The following MYO1H variants were observed in gnomAD, a reference collection of about 807,000 sequenced individuals.
MYO1H encodes the protein myosin IH, also known as unconventional myosin-Ih.
A neutral mutation model predicts 149.3 loss-of-function variants in MYO1H; 118 were observed. The ratio of observed to expected loss-of-function variants is 0.79; its 90% CI spans 0.68 to 0.92. MYO1H has a LOEUF of 0.92. Ranked by LOEUF, MYO1H falls within the 40% of genes least tolerant of loss-of-function variation. The pLI is 0.00. For missense variants in MYO1H, 1,212 were observed against 1,280.7 expected (o/e 0.95, Z 0.82); for synonymous variants, 447 against 465.2 (o/e 0.96, Z 0.50).
chr12:109,355,607 C>A (rs1010932579), intron 1 of MYO1H, among the ~76,000 whole-genome samples: 63 of 152,260 alleles, frequency 4.1e-4, no homozygotes, highest in Non-Finnish European at 7.6e-4. Context: ...AAGTTTGCAT[C>A]CTGCATGTAA....
At position 109,393,379 on chromosome 12, in the gene MYO1H, G is replaced by T. The variant is rs774279509; in HGVS notation, c.223G>T (p.Gly75Ter). ...GTCTGTGAATCCATACCAGGAGCTC[G>T]GAATCTACACTGTGAGCCAGATGGA... The change falls in exon 3 of 32, where the codon GGA (glycine) becomes TGA (stop). Residue 75 changes from glycine to a stop codon, truncating the protein, a stop_gained. Transcript: ENST00000310903. LOFTEE classifies it high-confidence loss of function. The T allele has an allele frequency of 1.3e-6, 2 of 1,588,362 alleles. No individual in the cohort carries two copies.
At chr12:109,313,577 T>A in the MYO1H span, among the ~76,000 whole-genome samples, 1 of 152,234 alleles carries the variant, frequency 6.6e-6, no homozygotes, top group Admixed American at 6.5e-5. Context: ...AAGAGGATGC[T>A]AAACCCTTGG....
intron 16 of MYO1H, among the ~76,000 whole-genome samples, chr12:109,421,459 A>C (rs1457427079): frequency 6.6e-6 from 1 of 152,200 alleles, no homozygotes; most frequent in Admixed American, 6.5e-5. Flanking sequence ...CTTGGAGGTG[A>C]CTTTGAGCTA....
chr12:109,398,715 C>A (rs4766468), intron 5 of MYO1H, among the ~76,000 whole-genome samples: 4 of 139,424 alleles, frequency 2.9e-5, no homozygotes, highest in African/African-American at 8.1e-5. Context: ...CACTCCAGCC[C>A]GGGCAACAAG....
chr12:109,313,826 G>A, the MYO1H span, among the ~76,000 whole-genome samples: 1 of 152,016 alleles, frequency 6.6e-6, no homozygotes, highest in Non-Finnish European at 1.5e-5. Flanking sequence ...TTAATTTTGT[G>A]ATGGTTTTAG....
chr12:109,406,253 A>G (rs193018779), intron 8 of MYO1H, among the ~76,000 whole-genome samples: 7 of 152,110 alleles, frequency 4.6e-5, no homozygotes, highest in Admixed American at 6.6e-5. Flanking sequence ...ATAACGCACA[A>G]TGATCAGTCT....
chr12:109,413,574 A>G (rs1184399085), intron 14 of MYO1H, among the ~76,000 whole-genome samples: 12 of 152,214 alleles, frequency 7.9e-5, no homozygotes, highest in Non-Finnish European at 2.9e-5. Flanking sequence ...GCAATGAATA[A>G]TCTATAACTG....
At chr12:109,364,701 A>G (rs905838123) in intron 1 of MYO1H, among the ~76,000 whole-genome samples, 4 of 152,228 alleles carry the variant, frequency 2.6e-5, no homozygotes, top group Non-Finnish European at 5.9e-5. Context: ...CCACAGAAAC[A>G]CAGATAATTT....
At chr12:109,430,012 T>G (rs1336621239) in intron 19 of MYO1H, among the ~76,000 whole-genome samples, 2 of 152,238 alleles carry the variant, frequency 1.3e-5, no homozygotes, top group Non-Finnish European at 2.9e-5. Flanking sequence ...GGCACTAATC[T>G]CATTTATGAG....
intron 1 of MYO1H, among the ~76,000 whole-genome samples, chr12:109,362,731 T>G (rs1461008351): frequency 6.6e-6 from 1 of 152,230 alleles, no homozygotes; most frequent in Non-Finnish European, 1.5e-5. Context: ...CTTTCTTGTA[T>G]GTATACTAAT....
rs755058492 is a variant in MYO1H at position 109,388,790 on chromosome 12, C to A, written c.120C>A (p.Ser40Arg). 5.3e-5 allele frequency: 85 copies of A among 1,613,010 alleles called. No individual in the cohort carries two copies. Among genetic ancestry groups the A allele is most frequent in the Non-Finnish European group, 7.0e-5 (83 of 1,179,292 alleles). The change falls in exon 2 of 32, where the codon AGC (serine) becomes AGA (arginine). Residue 40 changes from serine (S) to arginine (R), a missense_variant. Coordinates refer to ENST00000310903, the Ensembl canonical transcript of MYO1H. ...TTGTGCTATTGGACGCGTACACCAGCGAATCTGCCTTTGTCGACAACCTCC... is the reference window on the plus strand; with the variant it reads ...TTGTGCTATTGGACGCGTACACCAGAGAATCTGCCTTTGTCGACAACCTCC...
chr12:109,327,739 C>CAAAAAAAAAAAAA, the MYO1H span, among the ~76,000 whole-genome samples: 20 of 85,644 alleles, frequency 2.3e-4, no homozygotes, highest in African/African-American at 3.2e-4. Context: ...AAAACTGTCT[C>CAAAAAAAAAAAAA]AAAAAAAAAA....
chr12:109,424,915 C>G (rs747900860), intron 17 of MYO1H, 87 bp downstream of exon 17: 86 of 973,524 alleles, frequency 8.8e-5, no homozygotes, highest in Non-Finnish European at 1.3e-4. Context: ...AGCCACCTTC[C>G]CCTTTTCTGG....
intron 2 of MYO1H, among the ~76,000 whole-genome samples, chr12:109,391,835 T>C (rs1869670592): frequency 6.6e-6 from 1 of 152,228 alleles, no homozygotes. Flanking sequence ...CTTTTTTTCA[T>C]ATGATTGTTG....
intron 1 of MYO1H, among the ~76,000 whole-genome samples, chr12:109,367,320 A>AGAG (rs1388634734): frequency 1.3e-5 from 2 of 152,204 alleles, no homozygotes; most frequent in Non-Finnish European, 2.9e-5. Flanking sequence ...TAGGTGGATC[A>AGAG]TAGAAAAAGA....
intron 1 of MYO1H, among the ~76,000 whole-genome samples, chr12:109,386,477 G>A (rs76296026): frequency 0.04 from 6,028 of 152,318 alleles, 138 homozygotes; most frequent in Middle Eastern, 0.054. Context: ...CCAGAAGTGC[G>A]AGAGAATTCT....
intron 1 of MYO1H, among the ~76,000 whole-genome samples, chr12:109,355,419 C>G (rs953658330): frequency 4.6e-5 from 7 of 152,282 alleles, no homozygotes; most frequent in Non-Finnish European, 1.0e-4. Context: ...GATTCTGACT[C>G]AAGCAGGACC....
intron 21 of MYO1H, 90 bp downstream of exon 21, chr12:109,435,203 T>C (rs547348350): frequency 1.6e-5 from 13 of 823,870 alleles, no homozygotes; most frequent in East Asian, 7.6e-5. Context: ...GTGTTTGATA[T>C]AGTGTTAGAA....
rs58487735 is a variant in MYO1H at position 109,438,086 on chromosome 12, T to TAAA, written c.2210-431_2210-429dup. Among the ~76,000 whole-genome samples, 289 of 96,882 alleles carry TAAA rather than the reference T, an allele frequency of 3.0e-3. 4 individuals are homozygous for TAAA. The highest frequency in any genetic ancestry group is 0.012 in the African/African-American group (255 of 22,072). 63.6% of individuals were successfully genotyped at this position (96,882 alleles called of 152,430 possible). A position where few individuals can be genotyped will look rare whatever the true frequency, so the allele number is the denominator to read the frequency against. ...TTGGGCGACAGAGCAAGGCTCTGTCTAAAAAAAAAAAAAAAAAAAAATTGG... is the reference window on the plus strand; with the variant it reads ...TTGGGCGACAGAGCAAGGCTCTGTCTAAAAAAAAAAAAAAAAAAAAAAAATTGG... On this transcript the variant is annotated intron_variant, in intron 22 of 31. Transcript: ENST00000310903.
Sources: allele counts gnomAD v4.1 joint callset (sites outside exome capture counted in the v4.1 genomes callset), GRCh38; gene constraint gnomAD v4.1.1; transcripts MANE v1.5; gene names NCBI Gene and HGNC (gene_info 2026-07-23, HGNC 2026-07-21).